The following SCYL3 variants were observed in gnomAD, a reference collection of about 807,000 sequenced individuals.
SCYL3 encodes the protein protein-associating with the carboxyl-terminal domain of ezrin.
SCYL3 carries 35 observed loss-of-function variants against 73.8 expected under a neutral mutation model. The ratio of observed to expected loss-of-function variants is 0.47; its 90% CI spans 0.36 to 0.63. SCYL3 has a LOEUF of 0.63. Among genes scored for constraint, SCYL3 ranks in the 20% least tolerant of loss-of-function variants. SCYL3 has a pLI of 0.00. For synonymous variants in SCYL3, 277 were observed against 295.2 expected (o/e 0.94, Z 0.63); for missense variants, 712 against 798.9 (o/e 0.89, Z 1.31).
intron 12 of SCYL3, 48 bp downstream of exon 12, chr1:169,854,222 G>A: frequency 7.0e-7 from 1 of 1,420,792 alleles, no homozygotes; most frequent in South Asian, 1.4e-5. Context: ...GGACCTATGA[G>A]GGAAATCCTA....
At chr1:169,873,159 G>A (rs987623868) in intron 5 of SCYL3, among the ~76,000 whole-genome samples, 4 of 152,120 alleles carry the variant, frequency 2.6e-5, no homozygotes, top group African/African-American at 9.7e-5. Flanking sequence ...TCAGTGGGAG[G>A]TGATTGAATT....
intron 1 of SCYL3, among the ~76,000 whole-genome samples, chr1:169,891,185 G>A (rs1294996873): frequency 6.6e-6 from 1 of 152,196 alleles, no homozygotes; most frequent in Non-Finnish European, 1.5e-5. Context: ...ATGAGGTGGA[G>A]GTGGAGCTAC....
At position 169,852,904 on chromosome 1, in the gene SCYL3, G is replaced by A. The variant is rs1658594664; in HGVS notation, c.*809C>T. On this transcript the variant is annotated 3_prime_UTR_variant, in exon 13 of 13. Coordinates refer to ENST00000367771, the MANE Select transcript of SCYL3 (RefSeq NM_020423.7). ...TGAGTCACTACTCCAAAAGGGTCCT[G>A]CTCCAGCCTGGCTTTCAATGGAAAT... The A allele has an allele frequency of 6.2e-7, 1 of 1,614,002 alleles. No individual in the cohort carries two copies. The highest frequency in any genetic ancestry group is 1.3e-5 in the African/African-American group (1 of 74,920).
At chr1:169,865,697 C>A (rs1404549228) in intron 8 of SCYL3, among the ~76,000 whole-genome samples, 1 of 152,200 alleles carries the variant, frequency 6.6e-6, no homozygotes, top group Admixed American at 6.5e-5. Flanking sequence ...CACTTCTCAG[C>A]CCAATGCACT....
In SCYL3 at chr1:169,853,423, G is replaced by A; in HGVS notation, c.*290C>T. 5.1e-6 allele frequency: 2 copies of A among 395,258 alleles called. No individual in the cohort carries two copies. Among genetic ancestry groups the A allele is most frequent in the Non-Finnish European group, 9.0e-6 (2 of 223,178 alleles). 24.5% of individuals were successfully genotyped at this position (395,258 alleles called of 1,614,324 possible). A position where few individuals can be genotyped will look rare whatever the true frequency, so the allele number is the denominator to read the frequency against. Reference sequence around the variant, plus strand: ...TTCCAGAATTGTCCTGGAAAAAGCAGTAAATTCGACCTCTCCTCAGCTACT... The same window carrying A: ...TTCCAGAATTGTCCTGGAAAAAGCAATAAATTCGACCTCTCCTCAGCTACT... On this transcript the variant is annotated 3_prime_UTR_variant, in exon 13 of 13. Coordinates refer to ENST00000367771, the MANE Select transcript of SCYL3 (RefSeq NM_020423.7).
chr1:169,853,078 G>GC lies in SCYL3; in HGVS notation c.*634_*635insG. On this transcript the variant is annotated 3_prime_UTR_variant, in exon 13 of 13. Transcript: ENST00000367771. ...TTCTAACAGATATAAAACAAATTTT[G>GC]TAAAGTTGAATCTAGTGAAAATAAT... 8.0e-7 allele frequency: 1 copy of GC among 1,255,504 alleles called. No homozygotes were observed. Among genetic ancestry groups the GC allele is most frequent in the South Asian group, 1.3e-5 (1 of 74,868 alleles). 77.8% of individuals were successfully genotyped at this position (1,255,504 alleles called of 1,614,324 possible).
At chr1:169,854,079 A>G (rs1658846043) in intron 12 of SCYL3, 191 bp downstream of exon 12, 1 of 590,762 alleles carries the variant, frequency 1.7e-6, no homozygotes, top group Admixed American at 3.4e-5. Context: ...TCATTAAACA[A>G]ACTAAGCATT....
chr1:169,890,112 A>T (rs1661972909), intron 1 of SCYL3, among the ~76,000 whole-genome samples: 1 of 152,226 alleles, frequency 6.6e-6, no homozygotes, highest in Admixed American at 6.5e-5. Context: ...CTACTGTGAG[A>T]GGCTTGCATT....
intron 3 of SCYL3, among the ~76,000 whole-genome samples, chr1:169,877,221 T>A (rs1029820380): frequency 3.9e-5 from 6 of 152,176 alleles, no homozygotes; most frequent in Non-Finnish European, 7.4e-5. Flanking sequence ...AGTGGTGTGA[T>A]CACAGCTCAC....
intron 2 of SCYL3, among the ~76,000 whole-genome samples, chr1:169,881,037 C>G (rs1031747514): frequency 6.6e-6 from 1 of 152,208 alleles, no homozygotes; most frequent in African/African-American, 2.4e-5. Context: ...GTCGGGATTA[C>G]AGGCGTGAGC....
At chr1:169,869,653 A>G (rs1009513739) in intron 6 of SCYL3, among the ~76,000 whole-genome samples, 1 of 152,174 alleles carries the variant, frequency 6.6e-6, no homozygotes, top group Non-Finnish European at 1.5e-5. Context: ...GCCTCAGTAA[A>G]CTCAATGAGT....
intron 8 of SCYL3, 22 bp downstream of exon 8, chr1:169,866,874 A>G: frequency 7.7e-7 from 1 of 1,302,568 alleles, no homozygotes; most frequent in Non-Finnish European, 1.1e-6. Context: ...TTCAATTTAA[A>G]TTCTTAATTT....
At chr1:169,879,781 A>G (rs1328893351) in intron 2 of SCYL3, among the ~76,000 whole-genome samples, 1 of 152,216 alleles carries the variant, frequency 6.6e-6, no homozygotes, top group African/African-American at 2.4e-5. Context: ...TAAAGCAGCT[A>G]TTGTAATCAT....
rs370963865 is a variant in SCYL3 at position 169,859,103 on chromosome 1, C to T, written c.1250G>A (p.Arg417Gln). The T allele has an allele frequency of 3.7e-6, 6 of 1,613,974 alleles. No individual in the cohort carries two copies. Among genetic ancestry groups the T allele is most frequent in the South Asian group, 3.3e-5 (3 of 91,064 alleles). Residue 417 changes from arginine to glutamine, a missense_variant, in exon 11 of 13, where the codon CGA becomes CAA. Physicochemically the swap from Arg to Gln is conservative, Grantham distance 43. Around this residue, in one of 2 missense-constraint regions of SCYL3, gnomAD observed 370 missense variants for 350.8 expected, o/e 1.05. Transcript: ENST00000367771. The stretch of plus-strand genomic sequence containing the variant: ...GGCAGTGCGTTTGAAGATCTTGGTT[C>T]GTTCTCCTCCCACAACCACCTCTGG... The part of the protein sequence containing the change: ...LGPEVVVGGE[R>Q]TKIFKRTAPS...
intron 1 of SCYL3, among the ~76,000 whole-genome samples, chr1:169,889,648 C>T (rs899066172): frequency 3.9e-5 from 6 of 152,008 alleles, no homozygotes; most frequent in South Asian, 2.1e-4. Context: ...TGACAAAATA[C>T]TTCAGTGCTC....
At chr1:169,884,504 G>C (rs530429720) in intron 2 of SCYL3, among the ~76,000 whole-genome samples, 19 of 151,680 alleles carry the variant, frequency 1.3e-4, no homozygotes, top group Middle Eastern at 3.4e-3. Context: ...CACCATGTTG[G>C]CCAGGCTGGT....
intron 2 of SCYL3, among the ~76,000 whole-genome samples, chr1:169,882,335 G>C (rs1661338439): frequency 6.6e-6 from 1 of 152,230 alleles, no homozygotes; most frequent in South Asian, 2.1e-4. Context: ...CCGGGCCTTA[G>C]CTGCCTTCCC....
intron 8 of SCYL3, among the ~76,000 whole-genome samples, chr1:169,865,646 T>C (rs1334070920): frequency 6.6e-6 from 1 of 152,198 alleles, no homozygotes; most frequent in Non-Finnish European, 1.5e-5. Flanking sequence ...AGTAATATTT[T>C]CTCTCCAAGT....
chr1:169,851,949 T>G lies in SCYL3; in HGVS notation c.*1764A>C. On this transcript the variant is annotated 3_prime_UTR_variant, in exon 13 of 13. Coordinates refer to ENST00000367771, the MANE Select transcript of SCYL3 (RefSeq NM_020423.7). ...GTCATCTTTACAGGTATGGGCTGAT[T>G]TCAATAGGGGCCAAACTTTAACAAG... 1.2e-6 allele frequency: 2 copies of G among 1,613,952 alleles called. No individual in the cohort carries two copies. The highest frequency in any genetic ancestry group is 1.7e-6 in the Non-Finnish European group (2 of 1,179,912).
Sources: gnomAD v4.1 joint callset for allele counts (sites outside exome capture counted in the v4.1 genomes callset) on GRCh38, gnomAD v4.1.1 for gene constraint, gnomAD v4.1.1 regional missense constraint, MANE v1.5 for transcripts, NCBI Gene and HGNC (gene_info 2026-07-23, HGNC 2026-07-21) for gene names.